CACNA2D2: variants seen among roughly 807,000 people sequenced by gnomAD.
CACNA2D2 encodes the protein calcium voltage-gated channel auxiliary subunit alpha2delta 2, also known as voltage-dependent calcium channel subunit alpha-2/delta-2.
CACNA2D2 carries 48 observed loss-of-function variants against 166.4 expected under a neutral mutation model. The ratio of observed to expected loss-of-function variants is 0.29; its 90% CI spans 0.23 to 0.37. CACNA2D2 has a LOEUF of 0.37. Among genes scored for constraint, CACNA2D2 ranks in the 10% least tolerant of loss-of-function variants. The pLI, the probability that CACNA2D2 is intolerant of heterozygous loss-of-function variation, is 1.00. For missense variants in CACNA2D2, 1,122 were observed against 1,433.0 expected, an observed-to-expected ratio of 0.78 and a Z score of 3.50; for synonymous variants, 561 against 573.7, an observed-to-expected ratio of 0.98 and a Z score of 0.32.
chr3:50,424,777 G>T (rs1707728645), intron 3 of CACNA2D2, among the ~76,000 whole-genome samples: 1 of 152,200 alleles, frequency 6.6e-6, no homozygotes, highest in African/African-American at 2.4e-5. Context: ...GGAGGAGCCA[G>T]GGTCAAGGTG....
chr3:50,461,614 A>G (rs1709582754), intron 2 of CACNA2D2, among the ~76,000 whole-genome samples: 1 of 152,000 alleles, frequency 6.6e-6, no homozygotes, highest in South Asian at 2.1e-4. Context: ...TACAAAAATG[A>G]GCTGGGCGTG....
intron 2 of CACNA2D2, among the ~76,000 whole-genome samples, chr3:50,441,470 A>G (rs1708596466): frequency 2.0e-5 from 3 of 151,248 alleles, no homozygotes; most frequent in Admixed American, 2.0e-4. Context: ...TGTTTTTCAA[A>G]AGACACAAAA....
At chr3:50,481,324 A>C (rs572384315) in intron 1 of CACNA2D2, among the ~76,000 whole-genome samples, 2 of 152,256 alleles carry the variant, frequency 1.3e-5, no homozygotes, top group South Asian at 4.1e-4. Flanking sequence ...GGGCCTTCTT[A>C]CCACTCACAC....
Position 50,476,191 on chromosome 3 carries a change from T to G in CACNA2D2, c.215A>C (p.His72Pro), listed in dbSNP as rs754908844. 6.3e-7 allele frequency: 1 copy of G among 1,589,350 alleles called. No homozygotes were observed. The highest frequency in any genetic ancestry group is 8.6e-7 in the Non-Finnish European group (1 of 1,168,824). Residue 72 changes from histidine to proline, a missense_variant, in exon 2 of 38, where the codon CAC (histidine) becomes CCC (proline). By Grantham distance (77) the His-to-Pro change is moderately conservative. Around this residue, in one of 2 missense-constraint regions of CACNA2D2, gnomAD observed 840 missense variants for 1,166.8 expected, o/e 0.72. Transcript: ENST00000424201. ...CTCCTGCTCCAGACGCCGGGCCCAG[T>G]GCTGCATCCTGTATGCAGAGAGAGG... ...YSFPQQHTMQ[H>P]WARRLEQEVD...
intron 3 of CACNA2D2, among the ~76,000 whole-genome samples, chr3:50,418,618 T>TG (rs1707382412): frequency 6.6e-6 from 1 of 152,126 alleles, no homozygotes; most frequent in Non-Finnish European, 1.5e-5. Context: ...CAGGGCAGCT[T>TG]GGGGGGCCAG....
intron 3 of CACNA2D2, among the ~76,000 whole-genome samples, chr3:50,409,311 C>T (rs971390099): frequency 2.0e-5 from 3 of 152,188 alleles, no homozygotes; most frequent in Admixed American, 2.0e-4. Context: ...ACCCTGGGGG[C>T]TGCCTGAAGG....
intron 1 of CACNA2D2, among the ~76,000 whole-genome samples, chr3:50,476,896 G>A (rs1408919624): frequency 6.6e-6 from 1 of 151,040 alleles, no homozygotes; most frequent in Non-Finnish European, 1.5e-5. Context: ...CCTCACACTG[G>A]TACCACCCTG....
rs1704238568 is a variant in CACNA2D2 at position 50,365,855 on chromosome 3, A to G, written c.2870T>C (p.Val957Ala). 1.9e-6 allele frequency: 3 copies of G among 1,613,224 alleles called. No individual in the cohort carries two copies. Among genetic ancestry groups the G allele is most frequent in the Non-Finnish European group, 2.5e-6 (3 of 1,180,004 alleles). ...AAPRGVFVPT[V>A]ADFLNLAWWT... ...CCAGGCCAGGTTAAGGAAATCTGCA[A>G]CGGTGGGCTGCAGTGGAGAGAGGGG... Residue 957 changes from valine to alanine, a missense_variant, in exon 33 of 38, where the codon GTT (valine) becomes GCT (alanine). This residue lies in a region of CACNA2D2 where 282 missense variants were observed against 266.2 expected (regional missense o/e 1.06). Transcript: ENST00000424201. The surrounding 1 kb of genome is among the most constrained non-coding windows in gnomAD (Gnocchi z 4.5).
At chr3:50,370,607 T>C (rs1704605299) in intron 22 of CACNA2D2, among the ~76,000 whole-genome samples, 1 of 152,070 alleles carries the variant, frequency 6.6e-6, no homozygotes, top group African/African-American at 2.4e-5. Context: ...AGGGCAGTTA[T>C]AGCCAATATG....
Position 50,366,763 on chromosome 3 carries a change from T to G in CACNA2D2, c.2589+68A>C. On this transcript the variant is annotated intron_variant, in intron 29 of 37. Coordinates refer to ENST00000424201, the MANE Select transcript of CACNA2D2 (RefSeq NM_006030.4). The surrounding 1 kb of genome is among the most constrained non-coding windows in gnomAD (Gnocchi z 5.9). ...GTGTTGGAGCCACTGAGTGGAGGGTTGGTGGGGGTTCCAGGGGACTCCAGG... is the reference window on the plus strand; with the variant it reads ...GTGTTGGAGCCACTGAGTGGAGGGTGGGTGGGGGTTCCAGGGGACTCCAGG... The G allele has an allele frequency of 2.6e-6, 4 of 1,560,532 alleles. No individual in the cohort carries two copies. In the South Asian group the frequency reaches 4.5e-5, roughly 18 times the overall value.
At chr3:50,422,971 G>C (rs1465106494) in intron 3 of CACNA2D2, among the ~76,000 whole-genome samples, 1 of 152,236 alleles carries the variant, frequency 6.6e-6, no homozygotes, top group East Asian at 1.9e-4. Flanking sequence ...TGGCTGAAGT[G>C]AAAGAACCCA....
intron 1 of CACNA2D2, among the ~76,000 whole-genome samples, chr3:50,482,676 T>G (rs1698102904): frequency 6.6e-6 from 1 of 152,186 alleles, no homozygotes; most frequent in Non-Finnish European, 1.5e-5. Context: ...CATGGGATGG[T>G]TGTGCCTCCT....
At chr3:50,373,708 G>A (rs183573199) in intron 22 of CACNA2D2, among the ~76,000 whole-genome samples, 2 of 140,150 alleles carry the variant, frequency 1.4e-5, no homozygotes, top group Non-Finnish European at 3.1e-5. Context: ...GGGAGATAGA[G>A]GAGATGCAGG....
chr3:50,397,778 T>C (rs367885765), intron 3 of CACNA2D2, among the ~76,000 whole-genome samples: 2 of 152,290 alleles, frequency 1.3e-5, no homozygotes, highest in East Asian at 1.9e-4. Context: ...TCAGACTGTG[T>C]TACCTCCCCT....
chr3:50,401,540 C>T (rs896956885), intron 3 of CACNA2D2, among the ~76,000 whole-genome samples: 14 of 152,124 alleles, frequency 9.2e-5, no homozygotes, highest in African/African-American at 3.4e-4. Flanking sequence ...GGGTGGGGAG[C>T]CTGGTATCCC....
chr3:50,412,370 C>T (rs749496602), intron 3 of CACNA2D2, among the ~76,000 whole-genome samples: 9 of 152,328 alleles, frequency 5.9e-5, no homozygotes, highest in East Asian at 5.8e-4. Context: ...CCCTGGAAAA[C>T]GAGACATTTC....
In CACNA2D2 at chr3:50,367,122, TG is replaced by T. The variant is rs2109407626; in HGVS notation, c.2402-14del. ...GGCCTTAACAGGGCTGGGGGTTGGG[TG>T]GGGAAGTCAGGAGTGGGGTCTGGCG... is the stretch of plus-strand genomic sequence containing the variant. On this transcript the variant is annotated splice_polypyrimidine_tract_variant and intron_variant, in intron 27 of 37. Transcript: ENST00000424201. The surrounding 1 kb of genome is among the most constrained non-coding windows in gnomAD (Gnocchi z 6.5). 3.1e-6 allele frequency: 5 copies of T among 1,603,248 alleles called. No individual in the cohort carries two copies. Among genetic ancestry groups the T allele is most frequent in the African/African-American group, 1.3e-5 (1 of 74,774 alleles).
At chr3:50,484,073 CT>C (rs1167099901) in intron 1 of CACNA2D2, among the ~76,000 whole-genome samples, 5 of 152,156 alleles carry the variant, frequency 3.3e-5, no homozygotes, top group Non-Finnish European at 7.3e-5. Context: ...ATCCGAGATC[CT>C]GACGGTCCCT....
Position 50,366,774 on chromosome 3 carries a change from C to T in CACNA2D2, c.2589+57G>A, listed in dbSNP as rs1384142415. 4.4e-6 allele frequency: 7 copies of T among 1,575,304 alleles called. No homozygotes were observed. The highest frequency in any genetic ancestry group is 5.2e-6 in the Non-Finnish European group (6 of 1,150,408). On this transcript the variant is annotated intron_variant, in intron 29 of 37. Transcript: ENST00000424201. The surrounding 1 kb of genome is among the most constrained non-coding windows in gnomAD (Gnocchi z 5.9). ...ACTGAGTGGAGGGTTGGTGGGGGTTCCAGGGGACTCCAGGAAGGGCACTGC... is the reference window on the plus strand; with the variant it reads ...ACTGAGTGGAGGGTTGGTGGGGGTTTCAGGGGACTCCAGGAAGGGCACTGC...
Sources: gnomAD v4.1 joint callset for allele counts (sites outside exome capture counted in the v4.1 genomes callset) on GRCh38, gnomAD v4.1.1 for gene constraint, gnomAD v4.1.1 regional missense constraint, Gnocchi (gnomAD v3.1) non-coding constraint, MANE v1.5 for transcripts, NCBI Gene and HGNC (gene_info 2026-07-23, HGNC 2026-07-21) for gene names.